Variants in ACSS3 observed in about 807,000 individuals in gnomAD.
ACSS3 encodes the protein acyl-CoA synthetase short-chain family member 3, mitochondrial.
Under a neutral mutation model 84.2 loss-of-function variants are expected in ACSS3, and 64 were observed. That is an observed-to-expected ratio of 0.76 (90% CI 0.62 to 0.94). ACSS3 has a LOEUF of 0.94. Among genes scored for constraint, ACSS3 ranks in the 40% least tolerant of loss-of-function variants. The pLI is 0.00. For synonymous variants in ACSS3, 317 were observed against 310.1 expected, an observed-to-expected ratio of 1.02 and a Z score of -0.23; for missense variants, 815 against 867.6, an observed-to-expected ratio of 0.94 and a Z score of 0.76.
intron 11 of ACSS3, among the ~76,000 whole-genome samples, chr12:81,220,645 T>C (rs769097256): frequency 1.3e-5 from 2 of 152,054 alleles, no homozygotes; most frequent in Non-Finnish European, 2.9e-5. Context: ...ATTATGTCCA[T>C]GTGTACCCAT....
intron 1 of ACSS3, among the ~76,000 whole-genome samples, chr12:81,098,843 C>T (rs1256290330): frequency 6.6e-6 from 1 of 152,104 alleles, no homozygotes; most frequent in Non-Finnish European, 1.5e-5. Context: ...TAATCTCTTT[C>T]TTATTATGTG....
Position 81,112,746 on chromosome 12 carries a change from A to C in ACSS3, c.456+3042A>C, listed in dbSNP as rs2121514885. Among the ~76,000 whole-genome samples the C allele has an allele frequency of 2.6e-5, 4 of 152,302 alleles. No homozygotes were observed. In the Middle Eastern group the frequency reaches 0.014, roughly 518 times the overall value. On this transcript the variant is annotated intron_variant, in intron 2 of 15. Transcript: ENST00000548058. ...AGATTTAATGGGTAATTCCATTGAGAACAAACGAAAAGAAGTGCCTTTGTA... is the reference window on the plus strand; with the variant it reads ...AGATTTAATGGGTAATTCCATTGAGCACAAACGAAAAGAAGTGCCTTTGTA...
intron 2 of ACSS3, among the ~76,000 whole-genome samples, chr12:81,130,596 T>C (rs558872098): frequency 5.3e-5 from 8 of 152,336 alleles, no homozygotes; most frequent in African/African-American, 1.7e-4. Context: ...ACTCTGATGG[T>C]AGTTTCTTTT....
At chr12:81,137,356 CACACACA>C (rs1258143324) in intron 3 of ACSS3, among the ~76,000 whole-genome samples, 2 of 147,864 alleles carry the variant, frequency 1.4e-5, no homozygotes, top group Non-Finnish European at 3.0e-5. Flanking sequence ...CACACACACA[CACACACA>C]CCCCTAATAC....
chr12:81,199,640 A>G, intron 9 of ACSS3, 196 bp downstream of exon 9: 4 of 1,493,442 alleles, frequency 2.7e-6, no homozygotes, highest in Non-Finnish European at 2.7e-6. Context: ...CATTGATGCC[A>G]CCATTCTCTT....
intron 9 of ACSS3, among the ~76,000 whole-genome samples, chr12:81,211,277 T>A (rs910721327): frequency 5.3e-5 from 8 of 152,144 alleles, no homozygotes; most frequent in Non-Finnish European, 7.3e-5. Flanking sequence ...TCTTTTTTTT[T>A]AATTTTTAAT....
chr12:81,248,587 A>G (rs1260137500), intron 13 of ACSS3, among the ~76,000 whole-genome samples: 1 of 151,980 alleles, frequency 6.6e-6, no homozygotes, highest in African/African-American at 2.4e-5. Flanking sequence ...ATGAAAAGAG[A>G]TCGGTTAATG....
At chr12:81,251,095 T>C (rs1386348920) in intron 13 of ACSS3, among the ~76,000 whole-genome samples, 1 of 152,188 alleles carries the variant, frequency 6.6e-6, no homozygotes, top group Non-Finnish European at 1.5e-5. Context: ...TCTGTGCTTT[T>C]CAGAATCCAC....
intron 2 of ACSS3, chr12:81,125,731 C>G (rs1344865517): frequency 6.6e-6 from 1 of 152,162 alleles, no homozygotes; most frequent in Non-Finnish European, 1.5e-5. Context: ...GCCCACATCT[C>G]TCTTCTGATG....
chr12:81,187,460 T>C (rs2031331878), intron 8 of ACSS3, among the ~76,000 whole-genome samples: 1 of 151,892 alleles, frequency 6.6e-6, no homozygotes, highest in Non-Finnish European at 1.5e-5. Context: ...TGAGCTCATA[T>C]TCAGAGCTAA....
At chr12:81,093,512 T>A (rs1881812622) in intron 1 of ACSS3, among the ~76,000 whole-genome samples, 3 of 151,860 alleles carry the variant, frequency 2.0e-5, no homozygotes, top group Admixed American at 2.0e-4. Flanking sequence ...ATGCCTTTTT[T>A]CCCACTGTAA....
At chr12:81,099,679 ACT>A (rs1882348621) in intron 1 of ACSS3, among the ~76,000 whole-genome samples, 1 of 151,980 alleles carries the variant, frequency 6.6e-6, no homozygotes, top group African/African-American at 2.4e-5. Flanking sequence ...GCTGTCCGTT[ACT>A]CTCTGAAAAA....
intron 2 of ACSS3, among the ~76,000 whole-genome samples, chr12:81,118,242 G>T (rs1449083389): frequency 6.6e-6 from 1 of 152,128 alleles, no homozygotes; most frequent in Non-Finnish European, 1.5e-5. Context: ...CAGTAAAATA[G>T]TGGCTTAATT....
intron 2 of ACSS3, among the ~76,000 whole-genome samples, chr12:81,125,145 C>T (rs986938514): frequency 3.7e-4 from 56 of 152,164 alleles, no homozygotes; most frequent in African/African-American, 1.1e-3. Context: ...ATCCGGGAGG[C>T]GGAGCTTGCA....
In ACSS3 at chr12:81,155,837, T is replaced by C. The variant is rs892059269; in HGVS notation, c.1098+3741T>C. Among the ~76,000 whole-genome samples the C allele has an allele frequency of 3.9e-5, 6 of 152,316 alleles. No homozygotes were observed. In the East Asian group the frequency reaches 1.2e-3, roughly 29 times the overall value. On this transcript the variant is annotated intron_variant, in intron 7 of 15. Transcript: ENST00000548058. ...ATCATTAGATACACTTCTCTCTTAA[T>C]ATTGATAAAACAACAGACAGAAAGT...
chr12:81,143,713 T>C (rs1035371921), intron 5 of ACSS3, among the ~76,000 whole-genome samples: 1 of 152,214 alleles, frequency 6.6e-6, no homozygotes, highest in Non-Finnish European at 1.5e-5. Flanking sequence ...ATTATGAATG[T>C]GATTTTGAGA....
chr12:81,232,969 T>G (rs1269508666), intron 12 of ACSS3, among the ~76,000 whole-genome samples: 1 of 151,676 alleles, frequency 6.6e-6, no homozygotes, highest in Non-Finnish European at 1.5e-5. Context: ...TTGGGAGCTT[T>G]AAAGCTTTTA....
intron 1 of ACSS3, 84 bp downstream of exon 1, chr12:81,078,515 C>T: frequency 6.9e-7 from 1 of 1,445,072 alleles, no homozygotes; most frequent in Non-Finnish European, 9.4e-7. Context: ...TGGAATCTGG[C>T]ATTCTATCAC....
intron 7 of ACSS3, among the ~76,000 whole-genome samples, chr12:81,174,401 G>A (rs563417084): frequency 5.3e-5 from 8 of 151,870 alleles, no homozygotes; most frequent in African/African-American, 1.2e-4. Context: ...GAGAAATACT[G>A]TTGTCATTTT....
Sources: gnomAD v4.1 joint callset for allele counts (sites outside exome capture counted in the v4.1 genomes callset) on GRCh38, gnomAD v4.1.1 for gene constraint, MANE v1.5 for transcripts, NCBI Gene and HGNC (gene_info 2026-07-23, HGNC 2026-07-21) for gene names.